SLC44A1: variants seen among roughly 807,000 people sequenced by gnomAD.
The protein encoded by SLC44A1 is choline transporter-like protein 1.
In SLC44A1, 26 loss-of-function variants were observed where a neutral mutation model predicts 79.3. The ratio of observed to expected loss-of-function variants is 0.33; its 90% CI spans 0.24 to 0.46. The LOEUF (loss-of-function observed/expected upper bound fraction) is 0.46, where lower values mean the gene tolerates loss of function less well. Ranked by LOEUF, SLC44A1 falls within the 20% of genes least tolerant of loss-of-function variation. The pLI, the probability that SLC44A1 is intolerant of heterozygous loss-of-function variation, is 1.00. For synonymous variants in SLC44A1, 263 were observed against 286.2 expected (o/e 0.92, Z 0.82); for missense variants, 688 against 798.1 (o/e 0.86, Z 1.66).
intron 1 of SLC44A1, among the ~76,000 whole-genome samples, chr9:105,270,781 A>G (rs1588717395): frequency 6.6e-6 from 1 of 152,166 alleles, no homozygotes; most frequent in East Asian, 1.9e-4. Flanking sequence ...GGATTTTGTC[A>G]GGTCTGTTGA....
chr9:105,302,151 T>G (rs926707224), intron 2 of SLC44A1, among the ~76,000 whole-genome samples: 2 of 152,192 alleles, frequency 1.3e-5, no homozygotes, highest in African/African-American at 4.8e-5. Context: ...GTCAGCCTTC[T>G]TAAGTTCTAT....
At chr9:105,430,449 C>G (rs964783929) in intron 15 of SLC44A1, among the ~76,000 whole-genome samples, 3 of 152,134 alleles carry the variant, frequency 2.0e-5, no homozygotes, top group African/African-American at 7.2e-5. Context: ...CCTCACCCAG[C>G]CCCTGGAAAC....
chr9:105,427,867 C>A lies in SLC44A1; in HGVS notation c.1951-10414C>A, dbSNP rs563051715. Among the ~76,000 whole-genome samples the A allele has an allele frequency of 3.5e-4, 53 of 152,240 alleles. 1 individual carries two copies. The highest frequency in any genetic ancestry group is 1.3e-3 in the African/African-American group (52 of 41,550). On this transcript the variant is annotated intron_variant, in intron 15 of 15. Transcript: ENST00000374724. ...TCATTCTTATCACCCTTAATAATAACGGCAAAAGATGACAGCCCTTTGTTA... is the reference window on the plus strand; with the variant it reads ...TCATTCTTATCACCCTTAATAATAAAGGCAAAAGATGACAGCCCTTTGTTA...
chr9:105,294,022 G>T (rs1830662163), intron 1 of SLC44A1, among the ~76,000 whole-genome samples: 1 of 152,108 alleles, frequency 6.6e-6, no homozygotes, highest in Admixed American at 6.5e-5. Flanking sequence ...TAACTTTAAG[G>T]ATATAAATGT....
downstream of SLC44A1, among the ~76,000 whole-genome samples, chr9:105,399,917 C>T (rs1314920847): frequency 6.6e-6 from 1 of 152,102 alleles, no homozygotes; most frequent in Non-Finnish European, 1.5e-5. Context: ...AATTTTTGGC[C>T]AGGTGCAGTG....
chr9:105,384,527 C>A (rs888669062), intron 14 of SLC44A1, among the ~76,000 whole-genome samples: 2 of 152,022 alleles, frequency 1.3e-5, no homozygotes, highest in Non-Finnish European at 2.9e-5. Context: ...AATGATTTAG[C>A]TGACCTATTT....
chr9:105,292,838 G>A (rs1477691162), intron 1 of SLC44A1, among the ~76,000 whole-genome samples: 1 of 152,112 alleles, frequency 6.6e-6, no homozygotes, highest in Non-Finnish European at 1.5e-5. Context: ...TATTTTGTGT[G>A]GTGCCCAGTA....
At chr9:105,279,914 A>G (rs932369502) in intron 1 of SLC44A1, among the ~76,000 whole-genome samples, 3 of 152,252 alleles carry the variant, frequency 2.0e-5, no homozygotes, top group Admixed American at 6.5e-5. Context: ...AACCAGTTAG[A>G]AACATGTAGC....
At chr9:105,432,881 A>G (rs1263485720) in intron 15 of SLC44A1, among the ~76,000 whole-genome samples, 1 of 152,206 alleles carries the variant, frequency 6.6e-6, no homozygotes, top group East Asian at 1.9e-4. Context: ...ACTGTAAAAA[A>G]TAAGAACTTC....
intron 4 of SLC44A1, among the ~76,000 whole-genome samples, chr9:105,343,917 C>T (rs948896885): frequency 1.3e-5 from 2 of 152,150 alleles, no homozygotes; most frequent in Admixed American, 6.6e-5. Context: ...GGTTGACAGA[C>T]GATGCCACAT....
chr9:105,390,430 CAA>C lies in SLC44A1; in HGVS notation c.*1394_*1395del, dbSNP rs34048538. On this transcript the variant is annotated 3_prime_UTR_variant, in exon 16 of 16. Transcript: ENST00000374720. ...TATTGCACTAAATACAGGCTCTGTACAAAAAAAAAAAAAAAAAAAAAGCCTCA... is the reference window on the plus strand; with the variant it reads ...TATTGCACTAAATACAGGCTCTGTACAAAAAAAAAAAAAAAAAAAGCCTCA... 23,155 of 814,402 alleles carry C rather than the reference CAA, an allele frequency of 0.028. 7 individuals are homozygous for C. The highest frequency in any genetic ancestry group is 0.041 in the African/African-American group (1,523 of 37,204). The allele number at this position is 814,402 out of a possible 1,614,324, so 50.4% of individuals were successfully genotyped here.
intron 3 of SLC44A1, among the ~76,000 whole-genome samples, chr9:105,312,728 T>G (rs1390970401): frequency 6.6e-6 from 1 of 152,186 alleles, no homozygotes; most frequent in East Asian, 1.9e-4. Flanking sequence ...AAAATGGTGT[T>G]TTATAGTTTT....
chr9:105,319,403 A>G (rs1270520713), intron 3 of SLC44A1, among the ~76,000 whole-genome samples: 2 of 152,182 alleles, frequency 1.3e-5, no homozygotes, highest in African/African-American at 4.8e-5. Context: ...GAGTCCGAGC[A>G]CAGTACTTTC....
intron 12 of SLC44A1, among the ~76,000 whole-genome samples, chr9:105,373,685 G>C (rs1246453008): frequency 6.6e-6 from 1 of 152,308 alleles, no homozygotes; most frequent in South Asian, 2.1e-4. Flanking sequence ...TGAAGTACCT[G>C]GTTCTCCCTG....
intron 4 of SLC44A1, among the ~76,000 whole-genome samples, chr9:105,339,105 T>C (rs975122369): frequency 6.6e-6 from 1 of 152,128 alleles, no homozygotes; most frequent in Admixed American, 6.6e-5. Context: ...TAAGTTGGAT[T>C]ACATCAATTA....
intron 15 of SLC44A1, among the ~76,000 whole-genome samples, chr9:105,437,571 T>C (rs1829480499): frequency 2.0e-5 from 3 of 152,086 alleles, no homozygotes; most frequent in Non-Finnish European, 4.4e-5. Flanking sequence ...GTCATTGCCC[T>C]TTAGTCCTAA....
At chr9:105,412,849 C>T (rs563596048) in intron 15 of SLC44A1, among the ~76,000 whole-genome samples, 3 of 152,008 alleles carry the variant, frequency 2.0e-5, no homozygotes, top group African/African-American at 4.8e-5. Flanking sequence ...ATGATCCACC[C>T]GCCTCGGCCT....
chr9:105,392,715 A>C lies in SLC44A1; in HGVS notation c.*3659A>C. The C allele has an allele frequency of 2.0e-6, 2 of 985,382 alleles. No individual in the cohort carries two copies. Among genetic ancestry groups the C allele is most frequent in the South Asian group, 9.4e-5 (2 of 21,284 alleles). The allele number at this position is 985,382 out of a possible 1,614,324, so 61.0% of individuals were successfully genotyped here. On this transcript the variant is annotated 3_prime_UTR_variant, in exon 16 of 16. Transcript: ENST00000374720. ...TTTCCACCATGCACTATTACTAGCT[A>C]CTAACAGCCATTTTAAGAGATCTCC... is the stretch of plus-strand genomic sequence containing the variant.
At chr9:105,292,073 T>A (rs1331677121) in intron 1 of SLC44A1, among the ~76,000 whole-genome samples, 2 of 152,190 alleles carry the variant, frequency 1.3e-5, no homozygotes, top group Non-Finnish European at 2.9e-5. Context: ...ACCCTGCCCA[T>A]ATACCACTTC....
Sources: allele counts gnomAD v4.1 joint callset (sites outside exome capture counted in the v4.1 genomes callset), GRCh38; gene constraint gnomAD v4.1.1; transcripts MANE v1.5; gene names NCBI Gene and HGNC (gene_info 2026-07-23, HGNC 2026-07-21).